The following TDRD12 variants were observed in gnomAD, a reference collection of about 807,000 sequenced individuals.
TDRD12 encodes putative ATP-dependent RNA helicase TDRD12.
TDRD12 carries 158 observed loss-of-function variants against 133.5 expected under a neutral mutation model. The ratio of observed to expected loss-of-function variants is 1.18; its 90% confidence interval spans 1.04 to 1.35. The LOEUF (loss-of-function observed/expected upper bound fraction) is 1.35, where lower values mean the gene tolerates loss of function less well. TDRD12 is among the 40% of genes most tolerant of loss of function. The pLI is 0.00. For missense variants in TDRD12, 1,443 were observed against 1,321.3 expected (o/e 1.09, Z -1.43); for synonymous variants, 460 against 477.9 (o/e 0.96, Z 0.49).
Position 32,810,932 on chromosome 19 carries a change from TA to T in TDRD12, c.2838-271del, listed in dbSNP as rs1011910562. Among the ~76,000 whole-genome samples, 5 of 152,148 alleles carry T rather than the reference TA, an allele frequency of 3.3e-5. No homozygotes were observed. In the South Asian group the frequency reaches 8.3e-4, roughly 25 times the overall value. ...AACAAAAAAGACAAAAGGAAAAAAATAAAAAAACTTTGAGACTTTAATTTGC... is the reference window on the plus strand; with the variant it reads ...AACAAAAAAGACAAAAGGAAAAAAATAAAAAACTTTGAGACTTTAATTTGC... On this transcript the variant is annotated intron_variant, in intron 23 of 27. Coordinates refer to ENST00000444215, the Ensembl canonical transcript of TDRD12.
At chr19:32,822,152 G>A (rs994162055), downstream of TDRD12, among the ~76,000 whole-genome samples, 1 of 152,078 alleles carries the variant, frequency 6.6e-6, no homozygotes, top group Non-Finnish European at 1.5e-5. Flanking sequence ...AAAACTGGTT[G>A]GGCACGGTGG....
chr19:32,805,132 T>C (rs1971506025), intron 21 of TDRD12, among the ~76,000 whole-genome samples: 1 of 148,698 alleles, frequency 6.7e-6, no homozygotes, highest in Non-Finnish European at 1.5e-5. Flanking sequence ...ACCCCGTCTC[T>C]TTAAAATATA....
exon 25 of TDRD12, chr19:32,813,750 G>A: frequency 6.5e-7 from 1 of 1,534,408 alleles, no homozygotes; most frequent in South Asian, 1.2e-5. Flanking sequence ...CCTGGCTTTG[G>A]GAAATACAGT....
intron 6 of TDRD12, among the ~76,000 whole-genome samples, chr19:32,751,603 T>C (rs541077483): frequency 7.2e-6 from 1 of 139,452 alleles, no homozygotes; most frequent in Non-Finnish European, 1.6e-5. Flanking sequence ...TCCCCTCCCA[T>C]CCGTCTCTCT....
chr19:32,789,132 C>T (rs1393707663), intron 11 of TDRD12, among the ~76,000 whole-genome samples: 1 of 152,162 alleles, frequency 6.6e-6, no homozygotes, highest in East Asian at 1.9e-4. Flanking sequence ...TGCCACATTG[C>T]TGCAGCCAGG....
chr19:32,755,455 T>C (rs1746259482), intron 6 of TDRD12, among the ~76,000 whole-genome samples: 1 of 152,252 alleles, frequency 6.6e-6, no homozygotes, highest in South Asian at 2.1e-4. Context: ...AATGATGGTT[T>C]TATATGCTTA....
At chr19:32,749,043 G>A (rs1384807229) in intron 5 of TDRD12, among the ~76,000 whole-genome samples, 2 of 152,210 alleles carry the variant, frequency 1.3e-5, no homozygotes, top group East Asian at 3.8e-4. Flanking sequence ...TCAGATACCT[G>A]GTTTTAGTGA....
chr19:32,741,746 G>A (rs1772993761), intron 3 of TDRD12, among the ~76,000 whole-genome samples: 2 of 152,134 alleles, frequency 1.3e-5, no homozygotes, highest in Non-Finnish European at 2.9e-5. Flanking sequence ...TGTGGAAATA[G>A]TACGTGGAAG....
At chr19:32,767,329 A>G (rs1970328680) in intron 8 of TDRD12, among the ~76,000 whole-genome samples, 1 of 151,594 alleles carries the variant, frequency 6.6e-6, no homozygotes, top group South Asian at 2.1e-4. Flanking sequence ...GGGTTTCATC[A>G]TGTTGGTCAG....
exon 2 of TDRD12, chr19:32,731,876 A>G: frequency 1.3e-6 from 2 of 1,544,406 alleles, no homozygotes; most frequent in Non-Finnish European, 1.7e-6. Context: ...ACATTGGAAG[A>G]AGGACAGGTA....
At chr19:32,723,326 G>C (rs1376191901) in intron 1 of TDRD12, among the ~76,000 whole-genome samples, 2 of 150,654 alleles carry the variant, frequency 1.3e-5, no homozygotes, top group Non-Finnish European at 3.0e-5. Context: ...TCTCGGCACA[G>C]TGCAAGCTCT....
chr19:32,721,597 C>T (rs1968667898), intron 1 of TDRD12, among the ~76,000 whole-genome samples: 1 of 152,020 alleles, frequency 6.6e-6, no homozygotes, highest in South Asian at 2.1e-4. Context: ...CGTGGCTGTT[C>T]TCGAACTCCT....
rs187114104 is a variant in TDRD12 at position 32,790,606 on chromosome 19, A to T, written c.1182+15A>T. ...ATCTCCAGCAGGTATTACAGGCCCTAAAAAAAGTAAAATAAAAAGAGAGAA... is the reference window on the plus strand; with the variant it reads ...ATCTCCAGCAGGTATTACAGGCCCTTAAAAAAGTAAAATAAAAAGAGAGAA... On this transcript the variant is annotated intron_variant, in intron 12 of 27. Transcript: ENST00000444215. The T allele has an allele frequency of 1.3e-6, 2 of 1,551,394 alleles. No homozygotes were observed. The highest frequency in any genetic ancestry group is 3.9e-5 in the Admixed American group (2 of 50,954).
chr19:32,818,293 C>T (rs1189303320), intron 27 of TDRD12, 136 bp downstream of exon 27: 3 of 607,112 alleles, frequency 4.9e-6, no homozygotes, highest in Non-Finnish European at 8.8e-6. Flanking sequence ...GTTCCAGGAG[C>T]AGGGATGAAG....
At chr19:32,827,720 C>CA (rs2145780400) in exon 10 of TDRD12, 1 of 152,316 alleles carries the variant, frequency 6.6e-6, no homozygotes, top group Admixed American at 6.5e-5. Context: ...TGATTACTGT[C>CA]ACCTTGTGGT....
intron 21 of TDRD12, among the ~76,000 whole-genome samples, 167 bp from the exon 22 acceptor site, chr19:32,807,382 A>G (rs1971584829): frequency 6.6e-6 from 1 of 151,054 alleles, no homozygotes; most frequent in Non-Finnish European, 1.5e-5. Flanking sequence ...ACTTATTTGT[A>G]TATTATTAAT....
chr19:32,765,453 G>A (rs918014911), intron 8 of TDRD12, among the ~76,000 whole-genome samples: 17 of 152,052 alleles, frequency 1.1e-4, no homozygotes, highest in South Asian at 2.1e-4. Flanking sequence ...TGTTTATTGC[G>A]GCACTATTCA....
chr19:32,810,082 A>G lies in TDRD12; in HGVS notation c.2653-11A>G, dbSNP rs1057391768. 1.3e-5 allele frequency: 20 copies of G among 1,486,362 alleles called. No individual in the cohort carries two copies. The East Asian group carries it at 2.7e-4, about 20-fold the overall frequency. 92.1% of individuals were successfully genotyped at this position (1,486,362 alleles called of 1,614,324 possible). A position where few individuals can be genotyped will look rare whatever the true frequency, so the allele number is the denominator to read the frequency against. ...TTTGTTTCTTGGTCATGTTTACTATATATGTTTCAGATAATACCTTTTTAT... is the reference window on the plus strand; with the variant it reads ...TTTGTTTCTTGGTCATGTTTACTATGTATGTTTCAGATAATACCTTTTTAT... On this transcript the variant is annotated splice_polypyrimidine_tract_variant and intron_variant, in intron 22 of 27. Transcript: ENST00000444215.
intron 1 of TDRD12, among the ~76,000 whole-genome samples, chr19:32,721,336 A>G (rs1041557812): frequency 1.3e-5 from 2 of 152,196 alleles, no homozygotes; most frequent in African/African-American, 4.8e-5. Context: ...CAGTGGGCCC[A>G]GGAGCTGGAC....
Sources: gnomAD v4.1 joint callset for allele counts (sites outside exome capture counted in the v4.1 genomes callset) on GRCh38, gnomAD v4.1.1 for gene constraint, MANE v1.5 for transcripts, NCBI Gene and HGNC (gene_info 2026-07-23, HGNC 2026-07-21) for gene names.